Variants in TEX36 observed in about 807,000 individuals in gnomAD.
TEX36 encodes the protein testis-expressed protein 36.
In TEX36, 12 loss-of-function variants were observed where a neutral mutation model predicts 13.6. That is an observed-to-expected ratio of 0.88 (90% CI 0.56 to 1.43). The LOEUF (loss-of-function observed/expected upper bound fraction) is 1.43. TEX36 is among the 40% of genes most tolerant of loss of function. TEX36 has a pLI of 0.00. For synonymous variants in TEX36, 93 were observed against 83.0 expected (o/e 1.12, Z -0.65); for missense variants, 224 against 228.3 (o/e 0.98, Z 0.12).
intron 3 of TEX36, among the ~76,000 whole-genome samples, chr10:125,577,583 A>G (rs1369737763): frequency 6.6e-6 from 1 of 152,236 alleles, no homozygotes; most frequent in Non-Finnish European, 1.5e-5. Context: ...TGGAGTGAAA[A>G]CATCACCCAT....
intron 3 of TEX36, among the ~76,000 whole-genome samples, chr10:125,606,839 C>A (rs528520379): frequency 3.3e-5 from 5 of 152,252 alleles, no homozygotes; most frequent in African/African-American, 1.2e-4. Context: ...TCTGTGAAAT[C>A]CTCACAATAA....
At chr10:125,618,803 C>T (rs1014010607), downstream of TEX36, among the ~76,000 whole-genome samples, 33 of 151,946 alleles carry the variant, frequency 2.2e-4, no homozygotes, top group African/African-American at 4.6e-4. Context: ...GCTGCAGTGA[C>T]GGTGTTAAAG....
intron 3 of TEX36, among the ~76,000 whole-genome samples, chr10:125,606,046 T>C (rs1846211827): frequency 6.6e-6 from 1 of 152,246 alleles, no homozygotes; most frequent in Admixed American, 6.5e-5. Context: ...CTCTGTACTT[T>C]TTTTATGCAG....
chr10:125,613,241 T>TTTTATTTATTTA (rs71029264), intron 3 of TEX36, among the ~76,000 whole-genome samples: 1 of 113,286 alleles, frequency 8.8e-6, no homozygotes, highest in Non-Finnish European at 1.7e-5. Flanking sequence ...TTTTGACATC[T>TTTTATTTATTTA]TTTATTTATT....
At chr10:125,667,435 G>T in intron 1 of TEX36, 1 of 690,290 alleles carries the variant, frequency 1.4e-6, no homozygotes, top group Admixed American at 1.8e-5. Context: ...TGGCATGACA[G>T]GCCAGGACGT....
rs1565187829 is a variant in TEX36, at chr10:125,661,905, G to A, written c.124C>T (p.Pro42Ser). Residue 42 changes from proline to serine, a missense_variant, in exon 2 of 4, where the codon CCA (proline) becomes TCA (serine). Transcript: ENST00000368821. ...CCCTCCGCTTGCCGAGGCAAGTGTGGACTCTGGGGCTCTTTTGACGTAGCA... is the reference window on the plus strand; with the variant it reads ...CCCTCCGCTTGCCGAGGCAAGTGTGAACTCTGGGGCTCTTTTGACGTAGCA... The part of the protein sequence containing the change: ...TSATSKEPQS[P>S]HLPRQAEGKL... 6.4e-7 allele frequency: 1 copy of A among 1,552,212 alleles called. No homozygotes were observed. Among genetic ancestry groups the A allele is most frequent in the Non-Finnish European group, 8.7e-7 (1 of 1,147,130 alleles).
At chr10:125,655,649 A>G, downstream of TEX36, 1 of 1,176,448 alleles carries the variant, frequency 8.5e-7, no homozygotes, top group Non-Finnish European at 1.0e-6. Context: ...CAAAATGAAA[A>G]TGTGACCGTA....
chr10:125,590,062 C>T (rs1846002540), intron 3 of TEX36, among the ~76,000 whole-genome samples: 1 of 152,174 alleles, frequency 6.6e-6, no homozygotes, highest in Non-Finnish European at 1.5e-5. Flanking sequence ...ATTAACATTA[C>T]ACGACCTTGG....
intron 3 of TEX36, among the ~76,000 whole-genome samples, chr10:125,606,528 C>T (rs1303238730): frequency 6.6e-6 from 1 of 152,106 alleles, no homozygotes; most frequent in African/African-American, 2.4e-5. Context: ...ATGGCTACCA[C>T]GGTAAACAAT....
intron 1 of TEX36, among the ~76,000 whole-genome samples, chr10:125,665,687 T>C (rs1847109949): frequency 6.6e-6 from 1 of 152,170 alleles, no homozygotes; most frequent in African/African-American, 2.4e-5. Context: ...TTGGTTATTC[T>C]GGCTCTTTTT....
chr10:125,591,223 G>A (rs1318574090), intron 3 of TEX36, among the ~76,000 whole-genome samples: 1 of 152,204 alleles, frequency 6.6e-6, no homozygotes, highest in Non-Finnish European at 1.5e-5. Flanking sequence ...AATAGTGCCT[G>A]GCCTATCTGG....
At position 125,605,800 on chromosome 10, in the gene TEX36, C is replaced by CTAAA. The variant is rs549455765; in HGVS notation, c.265-28927_265-28926insTTTA. Among the ~76,000 whole-genome samples, 360 of 152,250 alleles carry CTAAA rather than the reference C, an allele frequency of 2.4e-3. 2 individuals carry two copies. Among genetic ancestry groups the CTAAA allele is most frequent in the African/African-American group, 8.4e-3 (347 of 41,534 alleles). ...TATTTTTAGTAGAGACGGGGTTTCA[C>CTAAA]CATGTTGGCCAGGCTGGTCTCGAAC... is the stretch of plus-strand genomic sequence containing the variant. On this transcript the variant is annotated intron_variant, in intron 3 of 3. Coordinates refer to the TEX36 transcript ENST00000532135.
intron 3 of TEX36, among the ~76,000 whole-genome samples, chr10:125,641,229 G>A (rs1846687310): frequency 6.6e-6 from 1 of 152,148 alleles, no homozygotes; most frequent in Non-Finnish European, 1.5e-5. Context: ...AAATGGCTTT[G>A]GCCAAAGGCA....
intron 3 of TEX36, among the ~76,000 whole-genome samples, chr10:125,597,248 A>AT (rs1846092016): frequency 6.6e-6 from 1 of 152,186 alleles, no homozygotes; most frequent in Non-Finnish European, 1.5e-5. Context: ...TGTGTCCACC[A>AT]TGTGAAGTCC....
intron 3 of TEX36, among the ~76,000 whole-genome samples, chr10:125,608,910 G>A (rs12263294): frequency 5.3e-5 from 8 of 150,212 alleles, no homozygotes; most frequent in South Asian, 2.1e-4. Context: ...CGAGGAAGGC[G>A]GATCACTTGA....
intron 3 of TEX36, among the ~76,000 whole-genome samples, chr10:125,637,333 T>C (rs1846634591): frequency 6.6e-6 from 1 of 151,874 alleles, no homozygotes; most frequent in African/African-American, 2.4e-5. Context: ...AGTATAATTA[T>C]GCAGTGTGTC....
chr10:125,653,439 TGAACACCTGGACACAGGGTGGG>T (rs1846894312), downstream of TEX36, among the ~76,000 whole-genome samples: 1 of 128,040 alleles, frequency 7.8e-6, no homozygotes, highest in East Asian at 2.4e-4. Flanking sequence ...TTGAACAATG[TGAACACCTGGACACAGGGTGGG>T]GACCATCACA....
At chr10:125,657,395 GGAGAA>G (rs1427674285) in intron 3 of TEX36, among the ~76,000 whole-genome samples, 1 of 152,178 alleles carries the variant, frequency 6.6e-6, no homozygotes, top group Non-Finnish European at 1.5e-5. Flanking sequence ...ACCAGAGTAG[GGAGAA>G]GAGGAGAGTG....
intron 3 of TEX36, among the ~76,000 whole-genome samples, chr10:125,612,541 C>T (rs1846303835): frequency 3.3e-5 from 5 of 152,130 alleles, no homozygotes. Context: ...ACACACATTA[C>T]TATGTATATA....
Sources: gnomAD v4.1 joint callset for allele counts (sites outside exome capture counted in the v4.1 genomes callset) on GRCh38, gnomAD v4.1.1 for gene constraint, MANE v1.5 for transcripts, NCBI Gene and HGNC (gene_info 2026-07-23, HGNC 2026-07-21) for gene names.